The following PDE3A variants were observed in gnomAD, a reference collection of about 807,000 sequenced individuals.
PDE3A encodes cGMP-inhibited 3',5'-cyclic phosphodiesterase 3A.
PDE3A carries 43 observed loss-of-function variants against 98.3 expected under a neutral mutation model. The observed-to-expected ratio is 0.44, with a 90% CI of 0.34 to 0.56. The LOEUF is 0.56. PDE3A is among the 20% of genes least tolerant of loss of function. The pLI is 0.01. For synonymous variants in PDE3A, 663 were observed against 567.9 expected (o/e 1.17, Z -2.38); for missense variants, 1,427 against 1,440.7 (o/e 0.99, Z 0.15).
At chr12:20,449,571 G>A in intron 1 of PDE3A, 1 of 298,834 alleles carries the variant, frequency 3.3e-6, no homozygotes, top group Non-Finnish European at 6.6e-6. Flanking sequence ...GTCCTTCCAT[G>A]TGGGGTATCT....
intron 1 of PDE3A, among the ~76,000 whole-genome samples, chr12:20,450,458 C>G (rs1466043592): frequency 2.0e-5 from 3 of 152,196 alleles, no homozygotes; most frequent in Non-Finnish European, 4.4e-5. Flanking sequence ...TTCTATTGAG[C>G]CCACTGGACA....
intron 1 of PDE3A, among the ~76,000 whole-genome samples, chr12:20,494,678 G>A (rs919453607): frequency 2.0e-5 from 3 of 152,076 alleles, no homozygotes; most frequent in Admixed American, 2.0e-4. Context: ...GTGAAAACAA[G>A]TGACATTTAT....
chr12:20,488,208 C>A (rs1435095712), intron 1 of PDE3A, among the ~76,000 whole-genome samples: 1 of 151,982 alleles, frequency 6.6e-6, no homozygotes, highest in Non-Finnish European at 1.5e-5. Flanking sequence ...CGTACTCTAC[C>A]AACATCCCCA....
At chr12:20,549,376 C>G (rs564956583) in intron 1 of PDE3A, among the ~76,000 whole-genome samples, 5 of 150,094 alleles carry the variant, frequency 3.3e-5, no homozygotes, top group Admixed American at 1.3e-4. Flanking sequence ...GTCCCTACCC[C>G]CATCATTGCC....
At chr12:20,514,533 AAGTAATGTC>A (rs1946282584) in intron 1 of PDE3A, among the ~76,000 whole-genome samples, 1 of 152,130 alleles carries the variant, frequency 6.6e-6, no homozygotes, top group Non-Finnish European at 1.5e-5. Context: ...CAAAGGGTAG[AAGTAATGTC>A]AGTCCTGTTT....
At chr12:20,450,563 A>G (rs1444651328) in intron 1 of PDE3A, among the ~76,000 whole-genome samples, 1 of 152,258 alleles carries the variant, frequency 6.6e-6, no homozygotes, top group Non-Finnish European at 1.5e-5. Flanking sequence ...TTCGTGGGAT[A>G]TTATAAAAGA....
At chr12:20,406,951 T>C (rs1307498066) in intron 1 of PDE3A, among the ~76,000 whole-genome samples, 1 of 152,212 alleles carries the variant, frequency 6.6e-6, no homozygotes, top group Non-Finnish European at 1.5e-5. Flanking sequence ...ATTAAAGACA[T>C]ATTCTTTCCC....
chr12:20,432,342 GT>G (rs2120806787), intron 1 of PDE3A, among the ~76,000 whole-genome samples: 1 of 152,286 alleles, frequency 6.6e-6, no homozygotes, highest in African/African-American at 2.4e-5. Context: ...AGGGTATACA[GT>G]TTTGGTTATG....
rs1288477629 is a variant in PDE3A at position 20,613,610 on chromosome 12, C to G, written c.1179C>G (p.Pro393=). The change falls in exon 3 of 16, where the codon CCC becomes CCG. Residue 393 remains proline (P), a synonymous_variant. Transcript: ENST00000359062. ...TQLTFQAIHK[P]RVNPVTSLSE... ...TCACCTTCCAGGCCATTCACAAGCC[C>G]AGAGTGAATCCCGTCACTTCGCTCA... 1.2e-6 allele frequency: 2 copies of G among 1,613,498 alleles called. No homozygotes were observed. Among genetic ancestry groups the G allele is most frequent in the East Asian group, 4.5e-5 (2 of 44,862 alleles).
Position 20,386,163 on chromosome 12 carries a change from AAATATATAAAAATATATAT to A in PDE3A, c.960+15922_960+15940del, listed in dbSNP as rs1169940720. On this transcript the variant is annotated intron_variant, in intron 1 of 15. Coordinates refer to ENST00000359062, the MANE Select transcript of PDE3A (RefSeq NM_000921.5). Reference sequence around the variant, plus strand: ...TATAAATATATATATAAATATATATAAATATATAAAAATATATATAAATATATATAAATATATAAAAATA... The same window carrying A: ...TATAAATATATATATAAATATATATAAAATATATATAAATATATAAAAATA... Among the ~76,000 whole-genome samples the A allele has an allele frequency of 5.0e-4, 48 of 95,336 alleles. 2 individuals are homozygous for A. In the South Asian group the frequency reaches 7.8e-3, roughly 16 times the overall value. The allele number at this position is 95,336 out of a possible 152,430, so 62.5% of individuals were successfully genotyped here.
At chr12:20,518,810 C>T (rs1343441175) in intron 1 of PDE3A, among the ~76,000 whole-genome samples, 3 of 152,130 alleles carry the variant, frequency 2.0e-5, no homozygotes, top group Admixed American at 1.3e-4. Flanking sequence ...CCAGACGCAA[C>T]ACTTAGATAG....
intron 1 of PDE3A, among the ~76,000 whole-genome samples, chr12:20,410,226 A>T (rs1447843400): frequency 6.6e-6 from 1 of 152,160 alleles, no homozygotes; most frequent in East Asian, 1.9e-4. Flanking sequence ...ATCCTCAGGG[A>T]AGCCACACTT....
chr12:20,633,228 G>A (rs557518790), intron 6 of PDE3A, among the ~76,000 whole-genome samples: 3 of 152,260 alleles, frequency 2.0e-5, no homozygotes, highest in African/African-American at 7.2e-5. Context: ...TGGGATTACA[G>A]GCGTGAGCCC....
intron 15 of PDE3A, among the ~76,000 whole-genome samples, chr12:20,659,567 T>A (rs1487897693): frequency 1.3e-5 from 2 of 152,162 alleles, no homozygotes; most frequent in South Asian, 2.1e-4. Context: ...CTGTTTTTTT[T>A]AATTGTTTAT....
intron 1 of PDE3A, among the ~76,000 whole-genome samples, chr12:20,433,766 TCTC>T (rs1397480374): frequency 6.6e-6 from 1 of 152,184 alleles, no homozygotes; most frequent in East Asian, 1.9e-4. Context: ...ATATATGTCT[TCTC>T]TGTCACAATT....
chr12:20,507,190 A>G (rs1431068824), intron 1 of PDE3A, among the ~76,000 whole-genome samples: 1 of 151,956 alleles, frequency 6.6e-6, no homozygotes, highest in Non-Finnish European at 1.5e-5. Flanking sequence ...TTGAGAGACT[A>G]TGCTACATAG....
rs1419767714 is a variant in PDE3A at position 20,369,844 on chromosome 12, C to G, written c.560C>G (p.Ser187Ter). Residue 187 changes from serine (S) to a stop codon, truncating the protein, a stop_gained, in exon 1 of 16, where the codon TCA becomes TGA. Coordinates refer to ENST00000359062, the MANE Select transcript of PDE3A (RefSeq NM_000921.5). LOFTEE classifies it high-confidence loss of function. Reference sequence around the variant, plus strand: ...GGCGTCGGGGAGGATCACTTACTCTCACTCCCCGCCGCGGGGGTGGTGCTC... The same window carrying G: ...GGCGTCGGGGAGGATCACTTACTCTGACTCCCCGCCGCGGGGGTGGTGCTC... ...GLGVGEDHLL[S>*]LPAAGVVLSC... 5.6e-6 allele frequency: 9 copies of G among 1,611,880 alleles called. No homozygotes were observed. In the East Asian group the frequency reaches 2.0e-4, roughly 36 times the overall value.
intron 1 of PDE3A, among the ~76,000 whole-genome samples, chr12:20,489,479 T>C (rs748692179): frequency 2.6e-5 from 4 of 152,184 alleles, no homozygotes; most frequent in East Asian, 3.9e-4. Context: ...ATTGTAGCCA[T>C]GAAAATGAGA....
chr12:20,556,728 T>C lies in PDE3A; in HGVS notation c.1011+18T>C. ...GATCACAGGTAAGTTTCTTTTCCTT[T>C]TCTTTTTCACGTTTCGTTTCGTAAC... On this transcript the variant is annotated intron_variant, in intron 2 of 15. Transcript: ENST00000359062. The C allele has an allele frequency of 6.3e-7, 1 of 1,595,048 alleles. No homozygotes were observed. The highest frequency in any genetic ancestry group is 8.6e-7 in the Non-Finnish European group (1 of 1,162,938).
Sources: gnomAD v4.1 joint callset for allele counts (sites outside exome capture counted in the v4.1 genomes callset) on GRCh38, gnomAD v4.1.1 for gene constraint, MANE v1.5 for transcripts, NCBI Gene and HGNC (gene_info 2026-07-23, HGNC 2026-07-21) for gene names.